The following PARP9 variants were observed in gnomAD, a reference collection of about 807,000 sequenced individuals.
PARP9 encodes poly(ADP-ribose) polymerase family member 9, also known as protein mono-ADP-ribosyltransferase PARP9.
A neutral mutation model predicts 68.8 loss-of-function variants in PARP9; 48 were observed. That is an observed-to-expected ratio of 0.70 (90% CI 0.55 to 0.89). The LOEUF (loss-of-function observed/expected upper bound fraction) is 0.89. PARP9 is among the 40% of genes least tolerant of loss of function. The pLI, the probability that PARP9 is intolerant of heterozygous loss-of-function variation, is 0.00. For missense variants in PARP9, 806 were observed against 969.3 expected (o/e 0.83, Z 2.24); for synonymous variants, 309 against 333.8 (o/e 0.93, Z 0.81).
chr3:122,550,588 T>C lies in PARP9; in HGVS notation c.1322A>G (p.Tyr441Cys), dbSNP rs768720117. The C allele has an allele frequency of 3.7e-6, 6 of 1,600,040 alleles. No homozygotes were observed. In the African/African-American group the frequency reaches 6.7e-5, roughly 18 times the overall value. Residue 441 changes from tyrosine (Y) to cysteine (C), a missense_variant, in exon 6 of 11, where the codon TAT becomes TGT. Coordinates refer to ENST00000682323, the MANE Select transcript of PARP9 (RefSeq NM_001146105.2). ...FVIFPTDLEI[Y>C]KAFSSEMAKR... ...ATTTCTAAGATATTAACTTACCTTA[T>C]ATATCTCCAAATCTGTTGGAAAGAT... is the stretch of plus-strand genomic sequence containing the variant.
chr3:122,528,273 A>G lies in PARP9; in HGVS notation c.*91T>C. The G allele has an allele frequency of 6.8e-7, 1 of 1,473,154 alleles. No individual in the cohort carries two copies. The highest frequency in any genetic ancestry group is 9.2e-7 in the Non-Finnish European group (1 of 1,084,832). 91.3% of individuals were successfully genotyped at this position (1,473,154 alleles called of 1,614,324 possible). On this transcript the variant is annotated 3_prime_UTR_variant, in exon 11 of 11. Coordinates refer to ENST00000682323, the MANE Select transcript of PARP9 (RefSeq NM_001146105.2). ...AGTCCATACAGATAACCCATGGGATATATTCAAGCCACTCTTTGAGCCATC... is the reference window on the plus strand; with the variant it reads ...AGTCCATACAGATAACCCATGGGATGTATTCAAGCCACTCTTTGAGCCATC...
At chr3:122,559,849 T>C (rs1177038555) in intron 1 of PARP9, 140 bp from the exon 2 acceptor site, 1 of 409,382 alleles carries the variant, frequency 2.4e-6, no homozygotes, top group East Asian at 3.7e-5. Flanking sequence ...TACACATTGT[T>C]TTGCTGTTGT....
rs945151915 is a variant in PARP9 at position 122,558,608 on chromosome 3, T to C, written c.16-141A>G. Reference sequence around the variant, plus strand: ...GTTTGGGAGGGCAGGAAGCATGTGTTTTTTTAAATCTGCATGCCCGAAACA... The same window carrying C: ...GTTTGGGAGGGCAGGAAGCATGTGTCTTTTTAAATCTGCATGCCCGAAACA... On this transcript the variant is annotated intron_variant, in intron 2 of 10. Coordinates refer to ENST00000682323, the MANE Select transcript of PARP9 (RefSeq NM_001146105.2). The C allele has an allele frequency of 5.0e-6, 5 of 1,004,276 alleles. No individual in the cohort carries two copies. In the African/African-American group the frequency reaches 8.1e-5, roughly 16 times the overall value. 62.2% of individuals were successfully genotyped at this position (1,004,276 alleles called of 1,614,324 possible). A position where few individuals can be genotyped will look rare whatever the true frequency, so the allele number is the denominator to read the frequency against.
chr3:122,542,372 AGTCAGCAT>A (rs2078307760), intron 7 of PARP9, among the ~76,000 whole-genome samples: 1 of 150,108 alleles, frequency 6.7e-6, no homozygotes, highest in Non-Finnish European at 1.5e-5. Flanking sequence ...TACAGGCATG[AGTCAGCAT>A]GCCTGGCCAA....
intron 1 of PARP9, among the ~76,000 whole-genome samples, chr3:122,562,156 C>CTCTTCTCTTTTT: frequency 7.1e-6 from 1 of 141,180 alleles, no homozygotes; most frequent in Non-Finnish European, 1.5e-5. Context: ...TGGCAATATA[C>CTCTTCTCTTTTT]TCTTTTCTTT....
chr3:122,564,136 G>A (rs1355752948), intron 1 of PARP9, 109 bp downstream of exon 1: 4 of 460,906 alleles, frequency 8.7e-6, no homozygotes, highest in Non-Finnish European at 1.5e-5. Context: ...TACTCACAAG[G>A]GAGGCCTGGC....
chr3:122,546,968 C>CCATATATATATA (rs2078748073), intron 6 of PARP9, among the ~76,000 whole-genome samples: 1 of 70,144 alleles, frequency 1.4e-5, no homozygotes, highest in African/African-American at 5.0e-5. Context: ...ATACATGGCA[C>CCATATATATATA]TATATATATA....
At chr3:122,543,111 A>G (rs754009386) in intron 7 of PARP9, among the ~76,000 whole-genome samples, 12 of 151,656 alleles carry the variant, frequency 7.9e-5, no homozygotes, top group Non-Finnish European at 1.3e-4. Context: ...AGGTTTCACC[A>G]TGTTGGCCAA....
At chr3:122,562,504 C>G (rs900250767) in intron 1 of PARP9, among the ~76,000 whole-genome samples, 1 of 152,084 alleles carries the variant, frequency 6.6e-6, no homozygotes, top group Non-Finnish European at 1.5e-5. Flanking sequence ...TCAATATACT[C>G]TTTTCAAAGA....
chr3:122,539,567 C>CTTTCTTTCTTTCTTT (rs1347024453), intron 8 of PARP9, among the ~76,000 whole-genome samples: 3 of 86,954 alleles, frequency 3.5e-5, no homozygotes, highest in South Asian at 7.6e-4. Context: ...TTCTTTCTTT[C>CTTTCTTTCTTTCTTT]TTTTTTTTTT....
At chr3:122,543,801 G>A (rs921184179) in intron 7 of PARP9, among the ~76,000 whole-genome samples, 1 of 151,316 alleles carries the variant, frequency 6.6e-6, no homozygotes, top group African/African-American at 2.4e-5. Context: ...TTGTAGAGAT[G>A]GGTTTTAACA....
At position 122,539,458 on chromosome 3, in the gene PARP9, T is replaced by C. The variant is rs568037065; in HGVS notation, c.1765+1014A>G. Among the ~76,000 whole-genome samples, 28 of 152,300 alleles carry C rather than the reference T, an allele frequency of 1.8e-4. 1 individual carries two copies. The South Asian group carries it at 5.8e-3, about 32-fold the overall frequency. ...GGCACGTCATGGGTGCAATATGCAT[T>C]AGTTGAATGATATCTATATCTATCT... On this transcript the variant is annotated intron_variant, in intron 8 of 10. Transcript: ENST00000682323.
intron 10 of PARP9, chr3:122,535,470 A>C (rs2107572140): frequency 1.0e-6 from 1 of 985,468 alleles, no homozygotes; most frequent in South Asian, 4.7e-5. Flanking sequence ...AGCAAAATCA[A>C]GCCACCCCGC....
rs949614726 is a variant in PARP9 at position 122,559,627 on chromosome 3, G to A, written c.-7C>T. The A allele has an allele frequency of 3.1e-6, 5 of 1,588,190 alleles. No homozygotes were observed. The highest frequency in any genetic ancestry group is 3.5e-5 in the Admixed American group (2 of 56,800). ...TTACCATGGAAAAGTCCATCCTCCA[G>A]GTCCCCGGGGGAGTCTTTAAATGTT... On this transcript the variant is annotated 5_prime_UTR_variant, in exon 2 of 11. Transcript: ENST00000682323.
At chr3:122,535,752 C>T (rs1232912456) in intron 10 of PARP9, 24 of 1,001,846 alleles carry the variant, frequency 2.4e-5, no homozygotes, top group Non-Finnish European at 2.7e-5. Context: ...GAGAAAAGAC[C>T]AACTTTCTTA....
chr3:122,555,394 G>T lies in PARP9; in HGVS notation c.777C>A (p.Phe259Leu), dbSNP rs150570348. The change falls in exon 4 of 11, where the codon TTC becomes TTA. Residue 259 changes from phenylalanine (F) to leucine (L), a missense_variant. By Grantham distance (22) the Phe-to-Leu change is conservative. Coordinates refer to ENST00000682323, the MANE Select transcript of PARP9 (RefSeq NM_001146105.2). The stretch of plus-strand genomic sequence containing the variant: ...GTCCCAGCTCACTCTTCCCTAGGAT[G>T]AATTCTGAAGCAGCTTTAAAGGCAG... ...TVAAFKAASE[F>L]ILGKSELGQE... 3.9e-5 allele frequency: 63 copies of T among 1,614,008 alleles called. No homozygotes were observed. Among genetic ancestry groups the T allele is most frequent in the Admixed American group, 5.0e-5 (3 of 60,000 alleles).
chr3:122,546,589 GT>G (rs1430063255), intron 6 of PARP9, among the ~76,000 whole-genome samples: 1 of 152,154 alleles, frequency 6.6e-6, no homozygotes, highest in Admixed American at 6.5e-5. Flanking sequence ...ATTAGAAGAT[GT>G]ATACATTATG....
At chr3:122,546,968 C>CCATATATA (rs2078748073) in intron 6 of PARP9, among the ~76,000 whole-genome samples, 1 of 70,144 alleles carries the variant, frequency 1.4e-5, no homozygotes, top group Admixed American at 1.9e-4. Flanking sequence ...ATACATGGCA[C>CCATATATA]TATATATATA....
chr3:122,530,910 A>T (rs1370352339), intron 10 of PARP9, among the ~76,000 whole-genome samples: 1 of 152,188 alleles, frequency 6.6e-6, no homozygotes, highest in Non-Finnish European at 1.5e-5. Context: ...CAAAAATAAA[A>T]AAATTAGTCA....
Sources: allele counts gnomAD v4.1 joint callset (sites outside exome capture counted in the v4.1 genomes callset), GRCh38; gene constraint gnomAD v4.1.1; transcripts MANE v1.5; gene names NCBI Gene and HGNC (gene_info 2026-07-23, HGNC 2026-07-21).